Variants in METTL9 observed in about 807,000 individuals in gnomAD.
METTL9 encodes protein-L-histidine N-pros-methyltransferase.
A neutral mutation model predicts 36.0 loss-of-function variants in METTL9; 10 were observed. The observed-to-expected ratio is 0.28, with a 90% CI of 0.17 to 0.47. The LOEUF (loss-of-function observed/expected upper bound fraction) is 0.47. Ranked by LOEUF, METTL9 falls within the 20% of genes least tolerant of loss-of-function variation. The pLI is 0.99. For synonymous variants in METTL9, 175 were observed against 149.7 expected, an observed-to-expected ratio of 1.17 and a Z score of -1.23; for missense variants, 246 against 383.5, an observed-to-expected ratio of 0.64 and a Z score of 3.00.
chr16:21,633,725 G>A (rs1351707705), intron 4 of METTL9, among the ~76,000 whole-genome samples: 1 of 152,168 alleles, frequency 6.6e-6, no homozygotes, highest in Non-Finnish European at 1.5e-5. Context: ...TGTATTCCTA[G>A]AATTGAGGTG....
chr16:21,649,166 T>C (rs1304755383), intron 4 of METTL9, among the ~76,000 whole-genome samples: 1 of 152,132 alleles, frequency 6.6e-6, no homozygotes, highest in African/African-American at 2.4e-5. Flanking sequence ...CTAATTTTTG[T>C]ATTTTTTGTA....
intron 3 of METTL9, among the ~76,000 whole-genome samples, chr16:21,622,350 G>A (rs976451590): frequency 1.3e-5 from 2 of 150,404 alleles, no homozygotes; most frequent in Non-Finnish European, 3.0e-5. Flanking sequence ...GTCTTGTTGT[G>A]TTGCCCCAGC....
rs767284340 is a variant in METTL9, at chr16:21,599,949, C to T, written c.165+51C>T. ...CGGGGGCGTGGCGGCCCGGCCTTCC[C>T]GCGCTGGGCCCGGCTATTGTGCGGG... On this transcript the variant is annotated intron_variant, in intron 1 of 4. Coordinates refer to ENST00000358154, the MANE Select transcript of METTL9 (RefSeq NM_016025.5). This position sits in a 1 kb window ranked among gnomAD's most constrained non-coding sequence, Gnocchi z 4.4. 3 of 1,272,812 alleles carry T rather than the reference C, an allele frequency of 2.4e-6. No homozygotes were observed. In the South Asian group the frequency reaches 7.4e-5, roughly 32 times the overall value. 78.8% of individuals were successfully genotyped at this position (1,272,812 alleles called of 1,614,324 possible). A position where few individuals can be genotyped will look rare whatever the true frequency, so the allele number is the denominator to read the frequency against.
intron 4 of METTL9, among the ~76,000 whole-genome samples, chr16:21,648,668 C>A (rs558033400): frequency 1.2e-4 from 18 of 152,332 alleles, no homozygotes; most frequent in African/African-American, 4.3e-4. Flanking sequence ...AATGGAAAGA[C>A]CCGCCCTAAA....
At chr16:21,627,157 T>C (rs990176608) in intron 4 of METTL9, 7 of 985,272 alleles carry the variant, frequency 7.1e-6, no homozygotes, top group Middle Eastern at 5.2e-4. Context: ...TTTCTTTCTC[T>C]GAGTCACTAA....
At chr16:21,616,462 A>T (rs1965556858) in intron 2 of METTL9, among the ~76,000 whole-genome samples, 1 of 152,200 alleles carries the variant, frequency 6.6e-6, no homozygotes, top group Non-Finnish European at 1.5e-5. Context: ...TTTCAGAGCT[A>T]GAAAACAAGT....
intron 4 of METTL9, chr16:21,646,932 G>T: frequency 1.6e-6 from 1 of 643,098 alleles, no homozygotes. Context: ...GGGATTACAG[G>T]TGTGAGCCAC....
intron 4 of METTL9, among the ~76,000 whole-genome samples, chr16:21,632,862 T>C (rs1350514692): frequency 2.0e-5 from 3 of 152,080 alleles, no homozygotes; most frequent in African/African-American, 7.2e-5. Context: ...CAAGTCTGAG[T>C]AAGGACTCCA....
chr16:21,637,609 G>A (rs1484698020), intron 4 of METTL9, among the ~76,000 whole-genome samples: 2 of 152,258 alleles, frequency 1.3e-5, no homozygotes, highest in East Asian at 3.9e-4. Context: ...AGCCCAGAGG[G>A]AGCTTGTCCC....
intron 4 of METTL9, among the ~76,000 whole-genome samples, chr16:21,635,620 C>T (rs1966073065): frequency 6.6e-6 from 1 of 152,042 alleles, no homozygotes; most frequent in Non-Finnish European, 1.5e-5. Context: ...TTTTCCCCAT[C>T]AGAGAGAGAA....
At chr16:21,619,100 G>T (rs536068669) in intron 3 of METTL9, among the ~76,000 whole-genome samples, 1 of 152,200 alleles carries the variant, frequency 6.6e-6, no homozygotes, top group Non-Finnish European at 1.5e-5. Context: ...TCTACCATTT[G>T]GCTGTTGTGA....
In METTL9 at chr16:21,628,931, C is replaced by T. The variant is rs555811355; in HGVS notation, c.751+3816C>T. The stretch of plus-strand genomic sequence containing the variant: ...TGGAGATGGAGTCTCACTCTGTCAC[C>T]GAGGATGGAATGTGGTGGCACGATC... On this transcript the variant is annotated intron_variant, in intron 4 of 4. Coordinates refer to ENST00000358154, the MANE Select transcript of METTL9 (RefSeq NM_016025.5). Among the ~76,000 whole-genome samples, 171 of 149,318 alleles carry T rather than the reference C, an allele frequency of 1.1e-3. 1 individual carries two copies. Among genetic ancestry groups the T allele is most frequent in the South Asian group, 3.0e-3 (14 of 4,696 alleles).
intron 1 of METTL9, among the ~76,000 whole-genome samples, chr16:21,602,964 A>G (rs1366605363): frequency 6.6e-6 from 1 of 151,770 alleles, no homozygotes; most frequent in Non-Finnish European, 1.5e-5. Context: ...CAGCCCACAA[A>G]TAAAGTTTTA....
Position 21,655,417 on chromosome 16 carries a change from T to C in METTL9, c.942T>C (p.Val314=), listed in dbSNP as rs1301516757. The stretch of plus-strand genomic sequence containing the variant: ...ACGTTCTGGATGACGCTGTCTTTGT[T>C]CTCAAACCAGTATAAACACGTGGAG... ...DYYVLDDAVF[V]LKPV is the part of the protein sequence containing the mutation. The change falls in exon 5 of 5, where the codon GTT becomes GTC. Residue 314 remains valine (V), a synonymous_variant. Transcript: ENST00000358154. 9 of 1,613,980 alleles carry C rather than the reference T, an allele frequency of 5.6e-6. No individual in the cohort carries two copies. Among genetic ancestry groups the C allele is most frequent in the Non-Finnish European group, 7.6e-6 (9 of 1,179,946 alleles).
intron 1 of METTL9, among the ~76,000 whole-genome samples, chr16:21,602,393 A>G (rs1236552261): frequency 6.6e-6 from 1 of 152,180 alleles, no homozygotes; most frequent in South Asian, 2.1e-4. Flanking sequence ...CTAAAACTGT[A>G]GTAGCAGTGC....
chr16:21,649,291 C>T (rs1223895968), intron 4 of METTL9, among the ~76,000 whole-genome samples: 1 of 152,166 alleles, frequency 6.6e-6, no homozygotes, highest in Non-Finnish European at 1.5e-5. Context: ...CTGCGCCTTG[C>T]TCTCTTCTCA....
chr16:21,615,353 C>A (rs565504598), intron 2 of METTL9, among the ~76,000 whole-genome samples: 1 of 152,222 alleles, frequency 6.6e-6, no homozygotes, highest in African/African-American at 2.4e-5. Context: ...CCTCAGTCTC[C>A]CAGGTAGCTG....
chr16:21,644,324 G>A (rs1158120030), intron 4 of METTL9: 1 of 1,613,796 alleles, frequency 6.2e-7, no homozygotes, highest in Non-Finnish European at 8.5e-7. Flanking sequence ...GCACACACCG[G>A]TCACATAGAC....
intron 4 of METTL9, chr16:21,643,258 A>C (rs1435472048): frequency 1.2e-6 from 1 of 805,650 alleles, no homozygotes; most frequent in South Asian, 1.4e-5. Context: ...GGTCCCAAAA[A>C]CTACCCCCTC....
Sources: gnomAD v4.1 joint callset for allele counts (sites outside exome capture counted in the v4.1 genomes callset) on GRCh38, gnomAD v4.1.1 for gene constraint, Gnocchi (gnomAD v3.1) non-coding constraint, MANE v1.5 for transcripts, NCBI Gene and HGNC (gene_info 2026-07-23, HGNC 2026-07-21) for gene names.